The following AMPD3 variants were observed in gnomAD, a reference collection of about 807,000 sequenced individuals.
The protein encoded by AMPD3 is AMP deaminase 3.
Under a neutral mutation model 82.3 loss-of-function variants are expected in AMPD3, and 57 were observed. That is an observed-to-expected ratio of 0.69 (90% CI 0.56 to 0.86). The LOEUF (loss-of-function observed/expected upper bound fraction) is 0.86, where lower values mean the gene tolerates loss of function less well. AMPD3 is among the 40% of genes least tolerant of loss of function. The pLI, the probability that AMPD3 is intolerant of heterozygous loss-of-function variation, is 0.00. For missense variants in AMPD3, 870 were observed against 1,003.8 expected (o/e 0.87, Z 1.80); for synonymous variants, 381 against 394.7 (o/e 0.97, Z 0.41).
intron 2 of AMPD3, chr11:10,477,792 T>G: frequency 1.2e-6 from 1 of 812,798 alleles, no homozygotes; most frequent in Non-Finnish European, 1.5e-6. Flanking sequence ...CCATGGGCCG[T>G]GTGACTTTGT....
At chr11:10,460,990 C>T (rs1048522688) in intron 1 of AMPD3, 61 of 1,093,812 alleles carry the variant, frequency 5.6e-5, no homozygotes, top group Middle Eastern at 8.6e-4. Context: ...GATTCTTTCT[C>T]TTCAGCAAAA....
intron 6 of AMPD3, chr11:10,490,365 C>T: frequency 2.4e-6 from 1 of 419,386 alleles, no homozygotes; most frequent in Non-Finnish European, 3.2e-6. Flanking sequence ...GTTTTACCTT[C>T]TGTGCCAAAC....
intron 6 of AMPD3, among the ~76,000 whole-genome samples, chr11:10,490,945 T>C (rs1390325732): frequency 6.6e-6 from 1 of 152,202 alleles, no homozygotes; most frequent in Non-Finnish European, 1.5e-5. Flanking sequence ...CTGGTAAGAA[T>C]GGCAAGATTA....
At chr11:10,460,924 A>G (rs1848251136) in intron 1 of AMPD3, 1 of 985,322 alleles carries the variant, frequency 1.0e-6, no homozygotes, top group Non-Finnish European at 1.2e-6. Flanking sequence ...TAAAACCTTT[A>G]TTTTATTTGC....
Position 10,495,554 on chromosome 11 carries a change from G to A in AMPD3, c.1267-16G>A, listed in dbSNP as rs1362131480. On this transcript the variant is annotated splice_polypyrimidine_tract_variant and intron_variant, in intron 8 of 14. Coordinates refer to ENST00000396553, the MANE Select transcript of AMPD3 (RefSeq NM_001025389.2). Reference sequence around the variant, plus strand: ...CTGGGATGCACTGGGGCTGACCCAAGCTCTTCTTGTGCCAGGAGGTTGCCC... The same window carrying A: ...CTGGGATGCACTGGGGCTGACCCAAACTCTTCTTGTGCCAGGAGGTTGCCC... The A allele has an allele frequency of 1.2e-6, 2 of 1,612,504 alleles. No individual in the cohort carries two copies. The highest frequency in any genetic ancestry group is 1.7e-6 in the Non-Finnish European group (2 of 1,180,030).
rs764787305 is a variant in AMPD3 at position 10,494,955 on chromosome 11, G to T, written c.1191G>T (p.Gly397=). 31 of 1,614,086 alleles carry T rather than the reference G, an allele frequency of 1.9e-5. No individual in the cohort carries two copies. The highest frequency in any genetic ancestry group is 1.6e-4 in the Middle Eastern group (1 of 6,084). Residue 397 remains glycine, a synonymous_variant, in exon 8 of 15, where the codon GGG becomes GGT. Transcript: ENST00000396553. ...DKFNSKYNPV[G]ASELRDLYLK... ...TCAACTCCAAATACAACCCTGTGGGGGCCAGTGAGCTGCGTGACCTGTATT... is the reference window on the plus strand; with the variant it reads ...TCAACTCCAAATACAACCCTGTGGGTGCCAGTGAGCTGCGTGACCTGTATT...
chr11:10,481,454 G>A (rs1303804101), intron 3 of AMPD3: 7 of 985,310 alleles, frequency 7.1e-6, no homozygotes, highest in Non-Finnish European at 7.2e-6. Flanking sequence ...CGGCTTCTGG[G>A]TGTGCAGGCT....
chr11:10,470,953 A>AC (rs1848572870), intron 2 of AMPD3, among the ~76,000 whole-genome samples: 1 of 152,194 alleles, frequency 6.6e-6, no homozygotes, highest in South Asian at 2.1e-4. Context: ...CAGAATTAGA[A>AC]AAAAACTACT....
chr11:10,482,195 G>T lies in AMPD3; in HGVS notation c.559G>T (p.Asp187Tyr), dbSNP rs777511548. Residue 187 changes from aspartate (D) to tyrosine (Y), a missense_variant, in exon 4 of 15, where the codon GAT (aspartate) becomes TAT (tyrosine). Asp to Tyr is a radical substitution (Grantham distance 160). Transcript: ENST00000396553. The part of the protein sequence containing the change: ...TSQYLGHPRA[D>Y]TAPPEEGLPD... Reference sequence around the variant, plus strand: ...CCAGTACCTGGGTCATCCGCGGGCGGATACTGCACCTCCGGAAGAGGGCCT... The same window carrying T: ...CCAGTACCTGGGTCATCCGCGGGCGTATACTGCACCTCCGGAAGAGGGCCT... 7.4e-6 allele frequency: 12 copies of T among 1,613,110 alleles called. No individual in the cohort carries two copies. Among genetic ancestry groups the T allele is most frequent in the Non-Finnish European group, 1.0e-5 (12 of 1,179,772 alleles).
At position 10,456,512 on chromosome 11, in the gene AMPD3, G is replaced by A. The variant is rs1848099271; in HGVS notation, c.-6+1064G>A. 3.1e-6 allele frequency: 5 copies of A among 1,610,294 alleles called. No individual in the cohort carries two copies. The highest frequency in any genetic ancestry group is 4.2e-6 in the Non-Finnish European group (5 of 1,178,170). ...GGGCTTCCTTTCTGGAGGGACTGTG[G>A]CACCATGAAAAGTTACTGTTTGTTG... is the stretch of plus-strand genomic sequence containing the variant. On this transcript the variant is annotated intron_variant, in intron 1 of 14. Coordinates refer to ENST00000396553, the MANE Select transcript of AMPD3 (RefSeq NM_001025389.2). This position sits in a 1 kb window ranked among gnomAD's most constrained non-coding sequence, Gnocchi z 4.3.
At chr11:10,505,660 A>G in intron 14 of AMPD3, 48 bp from the exon 15 acceptor site, 1 of 1,603,160 alleles carries the variant, frequency 6.2e-7, no homozygotes. Flanking sequence ...GGCTATAGAA[A>G]GTGAATCAAA....
intron 11 of AMPD3, chr11:10,500,493 A>G (rs1348941407): frequency 1.5e-6 from 1 of 659,656 alleles, no homozygotes; most frequent in African/African-American, 2.0e-5. Context: ...GTACAGACAT[A>G]TGTCATGTAC....
chr11:10,484,706 C>T (rs1401882949), intron 4 of AMPD3, 114 bp from the exon 5 acceptor site: 13 of 1,343,680 alleles, frequency 9.7e-6, no homozygotes, highest in South Asian at 6.0e-5. Flanking sequence ...GATGCGGGGC[C>T]GGCGCAGGGT....
At chr11:10,461,127 T>TCATTAAAAAA in intron 1 of AMPD3, 1 of 1,194,248 alleles carries the variant, frequency 8.4e-7, no homozygotes, top group Non-Finnish European at 1.1e-6. Flanking sequence ...GTTGCAGCTA[T>TCATTAAAAAA]AACAGTATCC....
At chr11:10,485,557 C>A (rs114625100) in intron 5 of AMPD3, among the ~76,000 whole-genome samples, 5 of 152,098 alleles carry the variant, frequency 3.3e-5, no homozygotes, top group Non-Finnish European at 7.4e-5. Context: ...CCTGTCCCTT[C>A]TGCGTGCATA....
At chr11:10,461,228 A>G (rs781218266) in intron 1 of AMPD3, 20 of 1,301,218 alleles carry the variant, frequency 1.5e-5, no homozygotes, top group Non-Finnish European at 2.0e-5. Context: ...CAGGTGCTGC[A>G]GATTCCCTGA....
intron 2 of AMPD3, among the ~76,000 whole-genome samples, chr11:10,472,961 C>T (rs959390254): frequency 6.6e-6 from 1 of 151,944 alleles, no homozygotes; most frequent in African/African-American, 2.4e-5. Context: ...CCAAGATCAC[C>T]CCACTGCTCT....
rs543879425 is a variant in AMPD3, at chr11:10,461,323, C to CT, written c.-5-191dup. The CT allele has an allele frequency of 1.9e-5, 30 of 1,577,172 alleles. No individual in the cohort carries two copies. The East Asian group carries it at 6.9e-4, about 36-fold the overall frequency. Reference sequence around the variant, plus strand: ...GCTTTCTCCTGACACCTAAGTGGCCCTACATGCTTCACATCCAGTTACTTA... The same window carrying CT: ...GCTTTCTCCTGACACCTAAGTGGCCCTTACATGCTTCACATCCAGTTACTTA... On this transcript the variant is annotated intron_variant, in intron 1 of 14. Transcript: ENST00000396553.
chr11:10,461,752 A>G lies in AMPD3; in HGVS notation c.221+12A>G, dbSNP rs372156334. On this transcript the variant is annotated intron_variant, in intron 2 of 14. Transcript: ENST00000396553. ...GAGACCGCAAAAAGGTTTGTTCCCA[A>G]GGCATGGTTTTCGTGTACATAGAGT... The G allele has an allele frequency of 6.3e-7, 1 of 1,596,448 alleles. No homozygotes were observed. Among genetic ancestry groups the G allele is most frequent in the Non-Finnish European group, 8.5e-7 (1 of 1,171,016 alleles).
Sources: allele counts gnomAD v4.1 joint callset (sites outside exome capture counted in the v4.1 genomes callset), GRCh38; gene constraint gnomAD v4.1.1; non-coding constraint Gnocchi (gnomAD v3.1); transcripts MANE v1.5; gene names NCBI Gene and HGNC (gene_info 2026-07-23, HGNC 2026-07-21).